DNMT3B: variants seen among roughly 807,000 people sequenced by gnomAD.
DNMT3B encodes DNA (cytosine-5)-methyltransferase 3B.
A neutral mutation model predicts 120.2 loss-of-function variants in DNMT3B; 37 were observed. The observed-to-expected ratio is 0.31, with a 90% CI of 0.24 to 0.40. The LOEUF (loss-of-function observed/expected upper bound fraction) is 0.40. Among genes scored for constraint, DNMT3B ranks in the 10% least tolerant of loss-of-function variants. DNMT3B has a pLI of 1.00. For missense variants in DNMT3B, 878 were observed against 1,137.3 expected, an observed-to-expected ratio of 0.77 and a Z score of 3.28; for synonymous variants, 412 against 442.8, an observed-to-expected ratio of 0.93 and a Z score of 0.87.
At chr20:32,773,960 T>TTA (rs60255175) in intron 1 of DNMT3B, among the ~76,000 whole-genome samples, 130 of 146,248 alleles carry the variant, frequency 8.9e-4, no homozygotes, top group African/African-American at 3.1e-3. Context: ...TTTTTTTTTT[T>TTA]ACGCTTTCCT....
chr20:32,804,744 T>G (rs1051176769), intron 20 of DNMT3B, among the ~76,000 whole-genome samples: 1 of 140,570 alleles, frequency 7.1e-6, no homozygotes, highest in East Asian at 2.1e-4. Flanking sequence ...CAGGCTGGAG[T>G]GCAGTGTTGT....
At chr20:32,791,087 C>G (rs1220203604) in intron 7 of DNMT3B, among the ~76,000 whole-genome samples, 1 of 152,146 alleles carries the variant, frequency 6.6e-6, no homozygotes, top group Non-Finnish European at 1.5e-5. Flanking sequence ...ATCACAAGAA[C>G]TAAAGTTAAA....
intron 4 of DNMT3B, 24 bp from the exon 5 acceptor site, chr20:32,786,478 G>A (rs1346090183): frequency 6.2e-7 from 1 of 1,613,812 alleles, no homozygotes; most frequent in Admixed American, 1.7e-5. Context: ...CTAAGGCCCA[G>A]TGAGTGTCCT....
At chr20:32,778,937 AAGAT>A (rs1365427320) in intron 1 of DNMT3B, among the ~76,000 whole-genome samples, 3 of 122,644 alleles carry the variant, frequency 2.4e-5, no homozygotes, top group African/African-American at 3.4e-5. Context: ...CCCTGTCTCT[AAGAT>A]AGATGGATGG....
At chr20:32,774,625 C>A (rs1044000609) in intron 1 of DNMT3B, among the ~76,000 whole-genome samples, 1 of 147,884 alleles carries the variant, frequency 6.8e-6, no homozygotes, top group Non-Finnish European at 1.5e-5. Flanking sequence ...AAAGAGTGAA[C>A]GTTGTACCTG....
chr20:32,793,500 T>C, intron 9 of DNMT3B, 36 bp from the exon 10 acceptor site: 1 of 1,609,644 alleles, frequency 6.2e-7, no homozygotes, highest in Non-Finnish European at 8.5e-7. Flanking sequence ...TTTAATGTAA[T>C]GTTTTTTCTG....
At chr20:32,784,515 T>C (rs1979017577) in intron 3 of DNMT3B, among the ~76,000 whole-genome samples, 1 of 152,138 alleles carries the variant, frequency 6.6e-6, no homozygotes, top group South Asian at 2.1e-4. Context: ...TGCTGGGTTT[T>C]GGTGTGAGGT....
Position 32,807,786 on chromosome 20 carries a change from C to T in DNMT3B, c.2445C>T (p.Tyr815=), listed in dbSNP as rs560320736. The T allele has an allele frequency of 1.3e-4, 209 of 1,614,176 alleles. 2 individuals carry two copies. In the South Asian group the frequency reaches 2.2e-3, roughly 17 times the overall value. ...LERIFGFPVH[Y]TDVSNMGRGA... is the part of the protein sequence containing the mutation. ...GGATCTTTGGCTTTCCTGTGCACTA[C>T]ACAGACGTGTCCAACATGGGCCGTG... Residue 815 remains tyrosine, a synonymous_variant, in exon 23 of 23, where the codon TAC becomes TAT. Coordinates refer to ENST00000328111, the MANE Select transcript of DNMT3B (RefSeq NM_006892.4).
At chr20:32,799,154 C>A in intron 15 of DNMT3B, 90 bp from the exon 16 acceptor site, 1 of 1,427,192 alleles carries the variant, frequency 7.0e-7, no homozygotes, top group Non-Finnish European at 9.7e-7. Context: ...AGGTTTGAAG[C>A]CCTCTGAGCA....
chr20:32,807,544 G>C (rs1405246680), intron 22 of DNMT3B, among the ~76,000 whole-genome samples: 1 of 152,180 alleles, frequency 6.6e-6, no homozygotes, highest in Non-Finnish European at 1.5e-5. Flanking sequence ...TCTATGCCAA[G>C]AGTATGGTGC....
intron 16 of DNMT3B, among the ~76,000 whole-genome samples, chr20:32,799,720 G>C (rs1415943857): frequency 2.6e-5 from 4 of 152,100 alleles, no homozygotes; most frequent in Admixed American, 6.6e-5. Flanking sequence ...GTTTCTCCAC[G>C]TTGGTCAGGT....
chr20:32,807,716 C>G, intron 22 of DNMT3B, 46 bp from the exon 23 acceptor site: 1 of 1,612,202 alleles, frequency 6.2e-7, no homozygotes, highest in Non-Finnish European at 8.5e-7. Flanking sequence ...TGTCAACATC[C>G]TGGAGGCACT....
intron 1 of DNMT3B, among the ~76,000 whole-genome samples, chr20:32,777,826 A>C (rs1183393772): frequency 7.2e-5 from 11 of 152,130 alleles, no homozygotes; most frequent in African/African-American, 2.7e-4. Flanking sequence ...TTGGGAGAAA[A>C]AGGGCTGAGA....
intron 1 of DNMT3B, among the ~76,000 whole-genome samples, chr20:32,763,008 C>A (rs947039680): frequency 6.6e-6 from 1 of 152,028 alleles, no homozygotes; most frequent in South Asian, 2.1e-4. Flanking sequence ...GAAGCTTGCT[C>A]GCAGGGAGGG....
chr20:32,786,750 G>T, intron 5 of DNMT3B, 123 bp downstream of exon 5: 1 of 1,522,200 alleles, frequency 6.6e-7, no homozygotes, highest in Non-Finnish European at 8.9e-7. Flanking sequence ...TGCTTTTCAG[G>T]TTCTTGCTTT....
intron 1 of DNMT3B, among the ~76,000 whole-genome samples, chr20:32,763,870 A>G (rs1568813761): frequency 6.6e-6 from 1 of 152,184 alleles, no homozygotes; most frequent in Non-Finnish European, 1.5e-5. Flanking sequence ...AGGGCAGAGT[A>G]TGAACTTTGA....
At chr20:32,780,140 A>C in intron 1 of DNMT3B, 178 bp from the exon 2 acceptor site, 1 of 1,613,722 alleles carries the variant, frequency 6.2e-7, no homozygotes, top group Non-Finnish European at 8.5e-7. Flanking sequence ...TGAGCCTCCA[A>C]GCTTGGTGAG....
intron 20 of DNMT3B, 42 bp downstream of exon 20, chr20:32,802,512 A>C: frequency 6.4e-7 from 1 of 1,570,758 alleles, no homozygotes; most frequent in Non-Finnish European, 8.8e-7. Flanking sequence ...AGCCAAGTTA[A>C]ATATGTGATA....
At chr20:32,780,092 G>C (rs1374990198) in intron 1 of DNMT3B, 5 of 1,612,526 alleles carry the variant, frequency 3.1e-6, no homozygotes, top group Non-Finnish European at 4.2e-6. Context: ...GCTGGCGTCT[G>C]AGCCTTCGGG....
Sources: allele counts gnomAD v4.1 joint callset (sites outside exome capture counted in the v4.1 genomes callset), GRCh38; gene constraint gnomAD v4.1.1; transcripts MANE v1.5; gene names NCBI Gene and HGNC (gene_info 2026-07-23, HGNC 2026-07-21).